Variants in IGSF21 observed in about 807,000 individuals in gnomAD.
IGSF21 encodes the protein immunoglobin superfamily member 21.
A neutral mutation model predicts 46.8 loss-of-function variants in IGSF21; 28 were observed. The observed-to-expected ratio is 0.60, with a 90% confidence interval of 0.44 to 0.82. IGSF21 has a LOEUF of 0.82. IGSF21 is among the 40% of genes least tolerant of loss of function. IGSF21 has a pLI of 0.00. For missense variants in IGSF21, 624 were observed against 665.5 expected, an observed-to-expected ratio of 0.94 and a Z score of 0.69; for synonymous variants, 284 against 273.6, an observed-to-expected ratio of 1.04 and a Z score of -0.38.
chr1:18,226,602 G>A (rs186107602), intron 1 of IGSF21, among the ~76,000 whole-genome samples: 13 of 152,302 alleles, frequency 8.5e-5, no homozygotes, highest in African/African-American at 3.1e-4. Context: ...GCCTTGGACC[G>A]TGCAGGTCCG....
At chr1:18,378,069 C>T (rs1457506897) in intron 9 of IGSF21, among the ~76,000 whole-genome samples, 187 bp from the exon 10 acceptor site, 1 of 152,192 alleles carries the variant, frequency 6.6e-6, no homozygotes, top group Non-Finnish European at 1.5e-5. Flanking sequence ...CTGACCGTAG[C>T]CCAGCAAGCC....
At chr1:18,350,656 C>A (rs750431157) in intron 4 of IGSF21, among the ~76,000 whole-genome samples, 1 of 151,286 alleles carries the variant, frequency 6.6e-6, no homozygotes, top group Non-Finnish European at 1.5e-5. Context: ...CCCCCTCCCA[C>A]AAAAAAAAAT....
chr1:18,194,081 G>A (rs2086984476), intron 1 of IGSF21, among the ~76,000 whole-genome samples: 8 of 152,158 alleles, frequency 5.3e-5, no homozygotes, highest in Admixed American at 3.9e-4. Context: ...GAGTGAATGA[G>A]TGAATTTAGG....
intron 2 of IGSF21, among the ~76,000 whole-genome samples, chr1:18,228,978 G>GGT (rs2084597169): frequency 6.6e-6 from 1 of 152,090 alleles, no homozygotes; most frequent in African/African-American, 2.4e-5. Context: ...TTTTGTACAA[G>GGT]GTTCATGTGT....
chr1:18,345,968 T>G (rs950361671), intron 4 of IGSF21, among the ~76,000 whole-genome samples: 1 of 152,180 alleles, frequency 6.6e-6, no homozygotes, highest in Non-Finnish European at 1.5e-5. Flanking sequence ...TCAGTGTCCC[T>G]TTTTGCTGAA....
intron 1 of IGSF21, among the ~76,000 whole-genome samples, chr1:18,108,497 C>T (rs1460232908): frequency 1.3e-5 from 2 of 151,236 alleles, no homozygotes; most frequent in Admixed American, 1.3e-4. Context: ...TTTAGAGATG[C>T]AAGTGTGTGT....
In IGSF21 at chr1:18,108,134, A is replaced by T; in HGVS notation, c.6A>T (p.Arg2=). 7.0e-7 allele frequency: 1 copy of T among 1,421,676 alleles called. No individual in the cohort carries two copies. The highest frequency in any genetic ancestry group is 1.4e-5 in the South Asian group (1 of 73,180). 88.1% of individuals were successfully genotyped at this position (1,421,676 alleles called of 1,614,324 possible). Residue 2 remains arginine (R), a synonymous_variant, in exon 1 of 10, where the codon CGA becomes CGT. Coordinates refer to ENST00000251296, the MANE Select transcript of IGSF21 (RefSeq NM_032880.5). ...GCCGCCAGCTCCCGGGCACCATGCGAACCGCCCCGAGCCTCCGCCGCTGCG... is the reference window on the plus strand; with the variant it reads ...GCCGCCAGCTCCCGGGCACCATGCGTACCGCCCCGAGCCTCCGCCGCTGCG... M[R]TAPSLRRCVC...
At chr1:18,327,389 T>C (rs2085667733) in intron 3 of IGSF21, among the ~76,000 whole-genome samples, 1 of 152,194 alleles carries the variant, frequency 6.6e-6, no homozygotes, top group Non-Finnish European at 1.5e-5. Flanking sequence ...AGCCGTGCCA[T>C]GTCCTCATTT....
chr1:18,271,773 C>A (rs2085045142), intron 2 of IGSF21, among the ~76,000 whole-genome samples: 1 of 152,164 alleles, frequency 6.6e-6, no homozygotes, highest in African/African-American at 2.4e-5. Context: ...TCAGCCAAAG[C>A]CCCAGCCCCT....
intron 5 of IGSF21, among the ~76,000 whole-genome samples, chr1:18,364,277 G>A (rs2086135257): frequency 6.6e-6 from 1 of 152,016 alleles, no homozygotes; most frequent in South Asian, 2.1e-4. Context: ...AAAGAAAAAA[G>A]GAAAGAAGAA....
chr1:18,139,525 T>G (rs950925174), intron 1 of IGSF21, among the ~76,000 whole-genome samples: 15 of 152,104 alleles, frequency 9.9e-5, no homozygotes, highest in African/African-American at 3.4e-4. Flanking sequence ...CTGTCTTCAT[T>G]TTTCACCACC....
At chr1:18,262,990 C>G (rs1383847097) in intron 2 of IGSF21, among the ~76,000 whole-genome samples, 1 of 152,208 alleles carries the variant, frequency 6.6e-6, no homozygotes, top group East Asian at 1.9e-4. Flanking sequence ...TTCCCTCCCT[C>G]CCTTGAGTAT....
rs932699775 is a variant in IGSF21, at chr1:18,146,816, C to T, written c.70+38618C>T. ...TCTTCATGTTCTATCTTAATTGATC[C>T]TCATAGCACCCCTGATATGTAGATG... On this transcript the variant is annotated intron_variant, in intron 1 of 9. Transcript: ENST00000251296. 5.3e-5 allele frequency among the ~76,000 whole-genome samples: 8 copies of T among 152,266 alleles called. No homozygotes were observed. The East Asian group carries it at 1.5e-3, about 29-fold the overall frequency.
chr1:18,236,346 A>G (rs780783589), intron 2 of IGSF21, among the ~76,000 whole-genome samples: 3 of 152,204 alleles, frequency 2.0e-5, no homozygotes, highest in African/African-American at 4.8e-5. Flanking sequence ...GCCTTCCACC[A>G]TGACTGTGAG....
intron 1 of IGSF21, among the ~76,000 whole-genome samples, chr1:18,219,088 A>G (rs2124498032): frequency 6.6e-6 from 1 of 152,356 alleles, no homozygotes; most frequent in East Asian, 1.9e-4. Context: ...TGGGGTGTAC[A>G]GTCTAGTTGG....
At chr1:18,187,546 C>T (rs576285667) in intron 1 of IGSF21, among the ~76,000 whole-genome samples, 3 of 152,262 alleles carry the variant, frequency 2.0e-5, no homozygotes, top group African/African-American at 7.2e-5. Context: ...TTAATCACTA[C>T]AATGAGAACA....
chr1:18,210,280 G>C (rs1034608939), intron 1 of IGSF21, among the ~76,000 whole-genome samples: 4 of 152,184 alleles, frequency 2.6e-5, no homozygotes, highest in Non-Finnish European at 4.4e-5. Context: ...TCTCCTTTGT[G>C]AGCCAGGACT....
chr1:18,154,984 G>C (rs2124437502), intron 1 of IGSF21, among the ~76,000 whole-genome samples: 1 of 152,082 alleles, frequency 6.6e-6, no homozygotes, highest in African/African-American at 2.4e-5. Flanking sequence ...TAGGCAAATG[G>C]GGGGCTCACT....
At chr1:18,308,617 A>G (rs2085451334) in intron 3 of IGSF21, among the ~76,000 whole-genome samples, 1 of 152,206 alleles carries the variant, frequency 6.6e-6, no homozygotes, top group Non-Finnish European at 1.5e-5. Flanking sequence ...AGGCAGTTAT[A>G]GTACAGTGTG....
Sources: gnomAD v4.1 joint callset for allele counts (sites outside exome capture counted in the v4.1 genomes callset) on GRCh38, gnomAD v4.1.1 for gene constraint, MANE v1.5 for transcripts, NCBI Gene and HGNC (gene_info 2026-07-23, HGNC 2026-07-21) for gene names.